TMEM59: variants seen among roughly 807,000 people sequenced by gnomAD.
TMEM59 encodes the protein transmembrane protein 59.
A neutral mutation model predicts 42.2 loss-of-function variants in TMEM59; 44 were observed. The ratio of observed to expected loss-of-function variants is 1.04; its 90% CI spans 0.82 to 1.34. The LOEUF (loss-of-function observed/expected upper bound fraction) is 1.34, where lower values mean the gene tolerates loss of function less well. Among genes scored for constraint, TMEM59 ranks in the 40% most tolerant of loss-of-function variants. The probability of loss-of-function intolerance (pLI) is 0.00; values close to 1 mark genes in which losing one functional copy is unlikely to be tolerated. For synonymous variants in TMEM59, 148 were observed against 145.8 expected, an observed-to-expected ratio of 1.02 and a Z score of -0.11; for missense variants, 359 against 382.8, an observed-to-expected ratio of 0.94 and a Z score of 0.52.
At chr1:54,044,184 T>C (rs1657243423) in intron 3 of TMEM59, 1 of 151,072 alleles carries the variant, frequency 6.6e-6, no homozygotes, top group South Asian at 2.1e-4. Context: ...CTACTAAAAA[T>C]ACACAAAAAT....
chr1:54,049,431 A>G (rs566224854), intron 1 of TMEM59, among the ~76,000 whole-genome samples: 27 of 152,354 alleles, frequency 1.8e-4, no homozygotes, highest in Admixed American at 7.8e-4. Flanking sequence ...GCACTGTATT[A>G]AGACTTAACA....
chr1:54,036,578 C>A, intron 7 of TMEM59, 32 bp downstream of exon 7: 1 of 1,443,504 alleles, frequency 6.9e-7, no homozygotes, highest in South Asian at 1.3e-5. Flanking sequence ...TATCACAGGG[C>A]TCAGTCTTCA....
chr1:54,046,498 C>A (rs1657340830), intron 2 of TMEM59, among the ~76,000 whole-genome samples: 2 of 151,972 alleles, frequency 1.3e-5, no homozygotes, highest in Admixed American at 1.3e-4. Context: ...TATTTTTTCC[C>A]AACTCAGTAA....
intron 1 of TMEM59, among the ~76,000 whole-genome samples, chr1:54,049,807 T>C (rs1391705524): frequency 2.6e-5 from 4 of 152,134 alleles, no homozygotes; most frequent in African/African-American, 7.2e-5. Flanking sequence ...AGCAAGACCC[T>C]GTTTCAATTA....
chr1:54,042,690 C>A (rs1657180781), intron 4 of TMEM59, among the ~76,000 whole-genome samples: 1 of 152,156 alleles, frequency 6.6e-6, no homozygotes, highest in South Asian at 2.1e-4. Context: ...GAATTAAAAG[C>A]ATGGTAGGGT....
Position 54,028,210 on chromosome 1 carries a change from C to CA in TMEM59, c.*3939dup. 6.6e-6 allele frequency: 1 copy of CA among 152,138 alleles called. No homozygotes were observed. The highest frequency in any genetic ancestry group is 1.5e-5 in the Non-Finnish European group (1 of 68,024). The allele number at this position is 152,138 out of a possible 1,614,324, so 9.4% of individuals were successfully genotyped here. A position where few individuals can be genotyped will look rare whatever the true frequency, so the allele number is the denominator to read the frequency against. On this transcript the variant is annotated 3_prime_UTR_variant, in exon 8 of 8. Transcript: ENST00000234831. ...CTGTTGCCAGGCTGTGACCAGGACT[C>CA]AGAGACCAGTCCTAGGTTTACCATC...
At chr1:54,048,464 A>T (rs1252658875) in intron 1 of TMEM59, among the ~76,000 whole-genome samples, 1 of 152,362 alleles carries the variant, frequency 6.6e-6, no homozygotes, top group African/African-American at 2.4e-5. Context: ...ATAGATTTTT[A>T]AAATAGAAAA....
At chr1:54,047,864 A>C (rs1657396888) in intron 1 of TMEM59, 1 of 158,342 alleles carries the variant, frequency 6.3e-6, no homozygotes, top group African/African-American at 2.4e-5. Context: ...AGTACTCAGT[A>C]GGCTGAGGTG....
At position 54,043,373 on chromosome 1, in the gene TMEM59, C is replaced by T; in HGVS notation, c.543G>A (p.Gln181=). 6.5e-7 allele frequency: 1 copy of T among 1,535,336 alleles called. No individual in the cohort carries two copies. The highest frequency in any genetic ancestry group is 8.7e-7 in the Non-Finnish European group (1 of 1,143,808). The change falls in exon 4 of 8, where the codon CAG becomes CAA. Residue 181 remains glutamine (Q), a splice_region_variant and synonymous_variant. Transcript: ENST00000234831. The part of the protein sequence containing the change: ...QADDGKIVIF[Q]SKPEIQYAPH... ...TGAATCCATGAAGCTCAGTTGTCAC[C>T]TGGAATATAACTATTTTTCCGTCAT...
chr1:54,039,283 T>TA (rs146237174), intron 6 of TMEM59, among the ~76,000 whole-genome samples: 13,434 of 152,108 alleles, frequency 0.088, 1,336 homozygotes, highest in African/African-American at 0.25. Flanking sequence ...GTGTTAGATG[T>TA]AAAAAAACAA....
intron 1 of TMEM59, among the ~76,000 whole-genome samples, chr1:54,051,285 C>A (rs903484123): frequency 3.9e-5 from 6 of 152,138 alleles, no homozygotes; most frequent in Non-Finnish European, 7.3e-5. Context: ...GCCTCAATTT[C>A]CTTAATTTTA....
chr1:54,049,751 T>C (rs570205082), intron 1 of TMEM59, among the ~76,000 whole-genome samples: 37 of 152,072 alleles, frequency 2.4e-4, no homozygotes, highest in Non-Finnish European at 5.1e-4. Flanking sequence ...GGTCAAGACA[T>C]AAGGACCCAT....
At chr1:54,053,464 G>T (rs1264418760), upstream of TMEM59, 2 of 473,806 alleles carry the variant, frequency 4.2e-6, no homozygotes, top group Admixed American at 7.4e-5. Context: ...TCGCGGGGCA[G>T]GCTGGGGCAT....
chr1:54,049,564 CT>C (rs1371205822), intron 1 of TMEM59, among the ~76,000 whole-genome samples: 54 of 152,140 alleles, frequency 3.5e-4, no homozygotes, highest in Admixed American at 3.5e-3. Context: ...ATTTCATGCC[CT>C]ATGTATCCCA....
chr1:54,053,447 C>G, upstream of TMEM59: 2 of 504,152 alleles, frequency 4.0e-6, no homozygotes, highest in Non-Finnish European at 7.1e-6. Context: ...CTCCTGACTT[C>G]TTCCCTTCGC....
chr1:54,043,304 A>G, intron 4 of TMEM59, 69 bp downstream of exon 4: 1 of 1,283,508 alleles, frequency 7.8e-7, no homozygotes, highest in Admixed American at 2.8e-5. Context: ...CTATGCTGAA[A>G]CACTCATTTA....
chr1:54,037,077 G>A (rs1368810311), intron 6 of TMEM59, among the ~76,000 whole-genome samples: 3 of 152,092 alleles, frequency 2.0e-5, no homozygotes, highest in Admixed American at 6.6e-5. Flanking sequence ...AAGTTATTAC[G>A]ATACTTGCTT....
At chr1:54,045,572 G>T in intron 3 of TMEM59, 120 bp downstream of exon 3, 2 of 958,122 alleles carry the variant, frequency 2.1e-6, no homozygotes, top group Non-Finnish European at 3.2e-6. Context: ...AATTTTGTTT[G>T]CTGAAAGCCA....
chr1:54,036,295 T>G (rs2100303067), intron 7 of TMEM59, among the ~76,000 whole-genome samples: 1 of 150,656 alleles, frequency 6.6e-6, no homozygotes, highest in African/African-American at 2.4e-5. Context: ...AAAAAAAAAG[T>G]CTTCTTTCCC....
Sources: gnomAD v4.1 joint callset for allele counts (sites outside exome capture counted in the v4.1 genomes callset) on GRCh38, gnomAD v4.1.1 for gene constraint, MANE v1.5 for transcripts, NCBI Gene and HGNC (gene_info 2026-07-23, HGNC 2026-07-21) for gene names.